PLEKHM3: variants seen among roughly 807,000 people sequenced by gnomAD.
PLEKHM3 encodes the protein pleckstrin homology domain containing M3.
PLEKHM3 carries 45 observed loss-of-function variants against 81.8 expected under a neutral mutation model. The observed-to-expected ratio is 0.55, with a 90% CI of 0.43 to 0.71. PLEKHM3 has a LOEUF of 0.71. PLEKHM3 is among the 30% of genes least tolerant of loss of function. The probability of loss-of-function intolerance (pLI) is 0.00; values close to 1 mark genes in which losing one functional copy is unlikely to be tolerated. For synonymous variants in PLEKHM3, 352 were observed against 356.4 expected (o/e 0.99, Z 0.14); for missense variants, 788 against 924.3 (o/e 0.85, Z 1.91).
chr2:207,857,707 T>A (rs982978598), intron 7 of PLEKHM3, among the ~76,000 whole-genome samples: 2 of 152,162 alleles, frequency 1.3e-5, no homozygotes, highest in African/African-American at 4.8e-5. Flanking sequence ...TTTTCATTCC[T>A]GATTTTGGCA....
rs567378178 is a variant in PLEKHM3, at chr2:207,885,258, G to A, written c.1950+23256C>T. 2.0e-5 allele frequency among the ~76,000 whole-genome samples: 3 copies of A among 152,332 alleles called. No individual in the cohort carries two copies. In the South Asian group the frequency reaches 6.2e-4, roughly 32 times the overall value. ...GGGTTTATTGGCGTATGTTGGCCTT[G>A]AATTTAACAGATCTTCCCTGACTAA... On this transcript the variant is annotated intron_variant, in intron 6 of 7. Transcript: ENST00000427836.
rs544403088 is a variant in PLEKHM3 at position 207,975,161 on chromosome 2, G to A, written c.1546+1490C>T. Reference sequence around the variant, plus strand: ...CTTCTTAACTGGCTCAGTGTTTCTGGTCTCTCTGATCCCACTCTGCAAGTT... The same window carrying A: ...CTTCTTAACTGGCTCAGTGTTTCTGATCTCTCTGATCCCACTCTGCAAGTT... On this transcript the variant is annotated intron_variant, in intron 3 of 7. Transcript: ENST00000427836. Among the ~76,000 whole-genome samples the A allele has an allele frequency of 3.3e-5, 5 of 150,508 alleles. No individual in the cohort carries two copies. The South Asian group carries it at 1.1e-3, about 32-fold the overall frequency.
chr2:207,869,281 T>G (rs189549478), intron 6 of PLEKHM3, among the ~76,000 whole-genome samples: 35 of 152,284 alleles, frequency 2.3e-4, no homozygotes, highest in Middle Eastern at 3.4e-3. Context: ...TCTCTATTTA[T>G]TCCCTCAAAG....
At position 207,843,577 on chromosome 2, in the gene PLEKHM3, C is replaced by T. The variant is rs538681835; in HGVS notation, c.2109-15081G>A. ...TATTTCAAGCACTGCAGGAAAACCACGCTCCACCGAAGAGGTTGTTACCTC... is the reference window on the plus strand; with the variant it reads ...TATTTCAAGCACTGCAGGAAAACCATGCTCCACCGAAGAGGTTGTTACCTC... On this transcript the variant is annotated intron_variant, in intron 7 of 7. Coordinates refer to ENST00000427836, the MANE Select transcript of PLEKHM3 (RefSeq NM_001080475.3). This position sits in a 1 kb window ranked among gnomAD's most constrained non-coding sequence, Gnocchi z 4.4. 3.3e-5 allele frequency among the ~76,000 whole-genome samples: 5 copies of T among 152,112 alleles called. No homozygotes were observed. The highest frequency in any genetic ancestry group is 3.2e-3 in the Middle Eastern group (1 of 316).
intron 1 of PLEKHM3, among the ~76,000 whole-genome samples, chr2:208,013,391 C>T (rs1387523002): frequency 6.6e-6 from 1 of 152,106 alleles, no homozygotes; most frequent in African/African-American, 2.4e-5. Flanking sequence ...TGGCGCGTGC[C>T]TGTAGTCCCA....
At chr2:207,863,655 G>A (rs1186611821) in intron 6 of PLEKHM3, among the ~76,000 whole-genome samples, 9 of 152,126 alleles carry the variant, frequency 5.9e-5, no homozygotes, top group Non-Finnish European at 1.2e-4. Flanking sequence ...AATGGGTGTC[G>A]AGTTGGGTCA....
chr2:207,858,180 AT>A (rs58031514), intron 7 of PLEKHM3, among the ~76,000 whole-genome samples: 9 of 103,830 alleles, frequency 8.7e-5, no homozygotes, highest in Admixed American at 9.6e-5. Flanking sequence ...GTGTGTATAT[AT>A]TTTTTTTTTT....
chr2:207,838,538 CACTT>C (rs931614239), intron 7 of PLEKHM3, among the ~76,000 whole-genome samples: 56 of 152,338 alleles, frequency 3.7e-4, no homozygotes, highest in African/African-American at 1.3e-3. Flanking sequence ...TTTGTGCAAA[CACTT>C]AATCAGTGCT....
intron 2 of PLEKHM3, among the ~76,000 whole-genome samples, chr2:207,987,125 C>A (rs892199222): frequency 3.3e-5 from 5 of 152,196 alleles, no homozygotes; most frequent in Non-Finnish European, 5.9e-5. Flanking sequence ...CTTTTAGGCC[C>A]CATTTCCAGC....
intron 6 of PLEKHM3, among the ~76,000 whole-genome samples, chr2:207,898,753 T>C (rs1351022378): frequency 6.6e-6 from 1 of 151,818 alleles, no homozygotes; most frequent in Non-Finnish European, 1.5e-5. Context: ...AAATCAGCCG[T>C]AGCGTGGTGG....
chr2:207,873,048 G>A (rs990025416), intron 6 of PLEKHM3, among the ~76,000 whole-genome samples: 1 of 152,100 alleles, frequency 6.6e-6, no homozygotes, highest in African/African-American at 2.4e-5. Context: ...TGAACCATAA[G>A]AGTTAGGAGA....
intron 6 of PLEKHM3, among the ~76,000 whole-genome samples, chr2:207,874,150 G>A (rs1020193966): frequency 5.9e-5 from 9 of 152,102 alleles, no homozygotes; most frequent in African/African-American, 1.9e-4. Context: ...TCCGGAATAT[G>A]GATTCAAATA....
At chr2:207,983,584 GA>G (rs1364437117) in intron 2 of PLEKHM3, among the ~76,000 whole-genome samples, 1 of 75,152 alleles carries the variant, frequency 1.3e-5, no homozygotes, top group Non-Finnish European at 3.1e-5. Context: ...AATTCCCCAT[GA>G]AAAAGAAAAA....
In PLEKHM3 at chr2:207,923,815, A is replaced by G. The variant is rs150112895; in HGVS notation, c.1886+7111T>C. On this transcript the variant is annotated intron_variant, in intron 5 of 7. Transcript: ENST00000427836. Reference sequence around the variant, plus strand: ...GATTAACTGAAACATACCTGACCACATGGATATATATACATACATATACAT... The same window carrying G: ...GATTAACTGAAACATACCTGACCACGTGGATATATATACATACATATACAT... Among the ~76,000 whole-genome samples, 4 of 146,548 alleles carry G rather than the reference A, an allele frequency of 2.7e-5. No homozygotes were observed. In the East Asian group the frequency reaches 8.0e-4, roughly 29 times the overall value.
intron 2 of PLEKHM3, among the ~76,000 whole-genome samples, chr2:207,978,367 C>T (rs1027594335): frequency 6.7e-6 from 1 of 148,730 alleles, no homozygotes; most frequent in African/African-American, 2.5e-5. Context: ...CGGTAAAAAC[C>T]GCAATTACTT....
intron 3 of PLEKHM3, among the ~76,000 whole-genome samples, chr2:207,961,013 T>C (rs1373022986): frequency 6.6e-6 from 1 of 152,204 alleles, no homozygotes; most frequent in African/African-American, 2.4e-5. Flanking sequence ...GTCAAGACAG[T>C]TTAATCTTCC....
chr2:207,846,108 G>A (rs528512868), intron 7 of PLEKHM3, among the ~76,000 whole-genome samples: 2 of 152,282 alleles, frequency 1.3e-5, no homozygotes, highest in African/African-American at 4.8e-5. Context: ...AGCTAGGAAC[G>A]ACATCGAGAC....
At position 207,947,655 on chromosome 2, in the gene PLEKHM3, C is replaced by T. The variant is rs1292136183; in HGVS notation, c.1547-1143G>A. On this transcript the variant is annotated intron_variant, in intron 3 of 7. Transcript: ENST00000427836. Reference sequence around the variant, plus strand: ...AGAACTATATGGATCAAAGAGATCTCGCACTAAGCCTATTTCATGAAGTGG... The same window carrying T: ...AGAACTATATGGATCAAAGAGATCTTGCACTAAGCCTATTTCATGAAGTGG... Among the ~76,000 whole-genome samples, 13 of 149,628 alleles carry T rather than the reference C, an allele frequency of 8.7e-5. No individual in the cohort carries two copies. In the East Asian group the frequency reaches 2.5e-3, roughly 29 times the overall value.
chr2:207,858,512 C>T (rs13402153), intron 7 of PLEKHM3, among the ~76,000 whole-genome samples: 89,069 of 150,018 alleles, frequency 0.59, 26,834 homozygotes, highest in Non-Finnish European at 0.65. Flanking sequence ...GACAGTTTTG[C>T]TGTTGCCCAG....
Sources: gnomAD v4.1 joint callset for allele counts (sites outside exome capture counted in the v4.1 genomes callset) on GRCh38, gnomAD v4.1.1 for gene constraint, Gnocchi (gnomAD v3.1) non-coding constraint, MANE v1.5 for transcripts, NCBI Gene and HGNC (gene_info 2026-07-23, HGNC 2026-07-21) for gene names.